AK7: variants seen among roughly 807,000 people sequenced by gnomAD.
AK7 encodes the protein adenylate kinase 7.
AK7 carries 78 observed loss-of-function variants against 96.6 expected under a neutral mutation model. The ratio of observed to expected loss-of-function variants is 0.81; its 90% CI spans 0.67 to 0.97. The LOEUF (loss-of-function observed/expected upper bound fraction) is 0.97. Ranked by LOEUF, AK7 falls within the 50% of genes least tolerant of loss-of-function variation. The probability of loss-of-function intolerance (pLI) is 0.00; values close to 1 mark genes in which losing one functional copy is unlikely to be tolerated. For missense variants in AK7, 855 were observed against 887.9 expected (o/e 0.96, Z 0.47); for synonymous variants, 302 against 317.2 (o/e 0.95, Z 0.51).
chr14:96,407,576 TTTTC>T lies in AK7; in HGVS notation c.404-1267_404-1264del, dbSNP rs1457461492. Among the ~76,000 whole-genome samples, 375 of 44,372 alleles carry T rather than the reference TTTTC, an allele frequency of 8.5e-3. 10 individuals are homozygous for T. Among genetic ancestry groups the T allele is most frequent in the Middle Eastern group, 0.052 (3 of 58 alleles). The allele number at this position is 44,372 out of a possible 152,430, so 29.1% of individuals were successfully genotyped here. A position where few individuals can be genotyped will look rare whatever the true frequency, so the allele number is the denominator to read the frequency against. ...CAGCTCTGATATGTTTCTTTCTTTC[TTTTC>T]TTTTTTTTTTTTTTTTTTTGAGACA... On this transcript the variant is annotated intron_variant, in intron 3 of 17. Transcript: ENST00000267584.
At chr14:96,407,424 CTT>C (rs1890771326) in intron 3 of AK7, among the ~76,000 whole-genome samples, 1 of 152,096 alleles carries the variant, frequency 6.6e-6, no homozygotes. Context: ...AATCAATACA[CTT>C]AGATCCAGGA....
chr14:96,409,533 C>T (rs1890915048), intron 4 of AK7, among the ~76,000 whole-genome samples: 1 of 152,178 alleles, frequency 6.6e-6, no homozygotes, highest in Non-Finnish European at 1.5e-5. Flanking sequence ...GATCGCACCA[C>T]TGCACTCCAG....
chr14:96,397,986 C>T (rs1046119653), intron 1 of AK7, 89 bp from the exon 2 acceptor site: 3 of 1,372,992 alleles, frequency 2.2e-6, no homozygotes, highest in Admixed American at 1.9e-5. Flanking sequence ...AGCAAGCACT[C>T]GGGAAAGGTA....
At chr14:96,412,152 A>G (rs1047466356) in intron 4 of AK7, among the ~76,000 whole-genome samples, 3 of 151,996 alleles carry the variant, frequency 2.0e-5, no homozygotes, top group Non-Finnish European at 2.9e-5. Flanking sequence ...CGTAATCCCT[A>G]TAAGATAGAC....
chr14:96,484,582 T>C (rs1895675557), intron 16 of AK7, among the ~76,000 whole-genome samples: 1 of 152,212 alleles, frequency 6.6e-6, no homozygotes, highest in Non-Finnish European at 1.5e-5. Flanking sequence ...GTGGTCTTGG[T>C]CATCTGCATG....
intron 6 of AK7, among the ~76,000 whole-genome samples, chr14:96,441,229 G>C (rs1892939209): frequency 6.6e-6 from 1 of 152,168 alleles, no homozygotes; most frequent in Non-Finnish European, 1.5e-5. Context: ...TTCTGTCCTT[G>C]TCCTGTACCT....
At chr14:96,452,291 A>G (rs11160339) in intron 10 of AK7, among the ~76,000 whole-genome samples, 11,504 of 152,116 alleles carry the variant, frequency 0.076, 1,490 homozygotes, top group African/African-American at 0.26. Context: ...TATAGTATAG[A>G]TTAGGAAACA....
chr14:96,447,470 G>A (rs1197579660), intron 8 of AK7, among the ~76,000 whole-genome samples: 2 of 151,782 alleles, frequency 1.3e-5, no homozygotes, highest in African/African-American at 2.4e-5. Context: ...GTGCACCACC[G>A]TACCTGGCTA....
chr14:96,488,575 A>G lies in AK7; in HGVS notation c.*232A>G. On this transcript the variant is annotated 3_prime_UTR_variant, in exon 18 of 18. Transcript: ENST00000267584. The stretch of plus-strand genomic sequence containing the variant: ...TTTGTGCATAGCTCATGAGACAAAT[A>G]CTGATTTAATATTTTATTCTTTAGT... The G allele has an allele frequency of 4.7e-6, 2 of 426,260 alleles. No homozygotes were observed. Among genetic ancestry groups the G allele is most frequent in the Non-Finnish European group, 8.5e-6 (2 of 236,204 alleles). The allele number at this position is 426,260 out of a possible 1,614,324, so 26.4% of individuals were successfully genotyped here.
At chr14:96,394,462 G>A (rs1047895583) in intron 1 of AK7, among the ~76,000 whole-genome samples, 3 of 152,082 alleles carry the variant, frequency 2.0e-5, no homozygotes, top group Non-Finnish European at 4.4e-5. Flanking sequence ...TTTAATGGAG[G>A]AAGGGGCCCA....
intron 17 of AK7, among the ~76,000 whole-genome samples, chr14:96,487,378 C>T (rs1409887233): frequency 7.9e-4 from 84 of 105,726 alleles, no homozygotes; most frequent in Middle Eastern, 5.5e-3. Flanking sequence ...AGTGAGACTC[C>T]GTCTCAAAAA....
At chr14:96,433,219 C>T (rs190683032) in intron 5 of AK7, among the ~76,000 whole-genome samples, 153 of 152,224 alleles carry the variant, frequency 1.0e-3, no homozygotes, top group African/African-American at 3.4e-3. Flanking sequence ...GTTGGCCTGC[C>T]TTGCTAGGTT....
At chr14:96,438,796 G>C (rs537784078) in intron 6 of AK7, among the ~76,000 whole-genome samples, 24 of 152,292 alleles carry the variant, frequency 1.6e-4, no homozygotes, top group African/African-American at 5.5e-4. Flanking sequence ...GCAGGAGCAG[G>C]AAGCAAGGAA....
intron 11 of AK7, chr14:96,457,033 C>G (rs1415285794): frequency 1.9e-5 from 3 of 156,712 alleles, no homozygotes; most frequent in Non-Finnish European, 4.1e-5. Context: ...TCTTTACCTT[C>G]AGAGCCATCT....
At chr14:96,479,759 C>T (rs1895410979) in intron 15 of AK7, among the ~76,000 whole-genome samples, 1 of 152,162 alleles carries the variant, frequency 6.6e-6, no homozygotes, top group African/African-American at 2.4e-5. Context: ...TTTTCTGGAC[C>T]TTCGCACGTA....
chr14:96,425,500 T>TTTC (rs10673005), intron 5 of AK7, among the ~76,000 whole-genome samples: 1 of 150,346 alleles, frequency 6.7e-6, no homozygotes, highest in African/African-American at 2.5e-5. Context: ...TTTTTTTTTT[T>TTTC]GAGACAGAGT....
At chr14:96,423,660 G>T in intron 5 of AK7, 1 of 634,632 alleles carries the variant, frequency 1.6e-6, no homozygotes, top group South Asian at 1.4e-5. Flanking sequence ...ACAGCTCGGG[G>T]CCTCCAGGAC....
At chr14:96,478,943 C>T (rs1895350872) in intron 15 of AK7, among the ~76,000 whole-genome samples, 1 of 150,934 alleles carries the variant, frequency 6.6e-6, no homozygotes, top group South Asian at 2.1e-4. Flanking sequence ...GAGTCTCGCT[C>T]AGTTGCCCAA....
chr14:96,442,757 T>A lies in AK7; in HGVS notation c.718T>A (p.Leu240Ile). The A allele has an allele frequency of 6.2e-7, 1 of 1,614,218 alleles. No individual in the cohort carries two copies. The highest frequency in any genetic ancestry group is 2.2e-5 in the East Asian group (1 of 44,888). The change falls in exon 7 of 18, where the codon TTA (leucine) becomes ATA (isoleucine). Residue 240 changes from leucine (L) to isoleucine (I), a missense_variant. Coordinates refer to ENST00000267584, the MANE Select transcript of AK7 (RefSeq NM_152327.5). ...GGCTTGGTTGGGCGAGATTCCTGCATTACCAGTTTTTGGCGATGGAACAAA... is the reference window on the plus strand; with the variant it reads ...GGCTTGGTTGGGCGAGATTCCTGCAATACCAGTTTTTGGCGATGGAACAAA... ...KMAWLGEIPA[L>I]PVFGDGTNVI...
Sources: allele counts gnomAD v4.1 joint callset (sites outside exome capture counted in the v4.1 genomes callset), GRCh38; gene constraint gnomAD v4.1.1; transcripts MANE v1.5; gene names NCBI Gene and HGNC (gene_info 2026-07-23, HGNC 2026-07-21).